Variants in ROBO2 observed in about 807,000 individuals in gnomAD.
ROBO2 encodes roundabout guidance receptor 2.
Under a neutral mutation model 160.8 loss-of-function variants are expected in ROBO2, and 53 were observed. The ratio of observed to expected loss-of-function variants is 0.33; its 90% CI spans 0.26 to 0.41. The LOEUF is 0.41. Ranked by LOEUF, ROBO2 falls within the 10% of genes least tolerant of loss-of-function variation. The pLI, the probability that ROBO2 is intolerant of heterozygous loss-of-function variation, is 1.00. For missense variants in ROBO2, 1,577 were observed against 1,722.4 expected (o/e 0.92, Z 1.49); for synonymous variants, 664 against 611.7 (o/e 1.09, Z -1.26).
At chr3:76,434,477 G>C (rs140003269) in intron 2 of ROBO2, 1 of 1,550,452 alleles carries the variant, frequency 6.4e-7, no homozygotes, top group African/African-American at 1.4e-5. Context: ...GAATGATGCT[G>C]CCATGTTTTA....
chr3:77,564,680 T>C (rs1202091394), intron 11 of ROBO2: 1 of 528,388 alleles, frequency 1.9e-6, no homozygotes, highest in African/African-American at 1.9e-5. Context: ...GGTATTCATT[T>C]AGTGGGCTGC....
intron 2 of ROBO2, among the ~76,000 whole-genome samples, chr3:76,822,617 A>C (rs2066217651): frequency 6.6e-6 from 1 of 151,880 alleles, no homozygotes; most frequent in Admixed American, 6.6e-5. Flanking sequence ...TAATTGAAAA[A>C]AATTATCATG....
intron 2 of ROBO2, among the ~76,000 whole-genome samples, chr3:76,298,928 G>C (rs1709220110): frequency 6.6e-6 from 1 of 152,112 alleles, no homozygotes; most frequent in Non-Finnish European, 1.5e-5. Flanking sequence ...CCATGCCTCT[G>C]CCAGGGGCAA....
At chr3:76,378,846 G>A (rs2076480251) in intron 2 of ROBO2, among the ~76,000 whole-genome samples, 1 of 152,174 alleles carries the variant, frequency 6.6e-6, no homozygotes, top group Non-Finnish European at 1.5e-5. Flanking sequence ...ACACGTTTAG[G>A]AACCCTCTAC....
At chr3:76,032,359 A>G (rs897902648) in intron 2 of ROBO2, among the ~76,000 whole-genome samples, 3 of 151,776 alleles carry the variant, frequency 2.0e-5, no homozygotes, top group Admixed American at 2.0e-4. Flanking sequence ...TATCTCCTTC[A>G]GTTCTGCTCT....
At chr3:76,324,995 C>G (rs1255197728) in intron 2 of ROBO2, among the ~76,000 whole-genome samples, 1 of 152,154 alleles carries the variant, frequency 6.6e-6, no homozygotes, top group Non-Finnish European at 1.5e-5. Flanking sequence ...GCCCCAGCTA[C>G]TCGGGAGGCT....
chr3:77,308,899 T>G (rs1328891059), intron 2 of ROBO2, among the ~76,000 whole-genome samples: 1 of 152,188 alleles, frequency 6.6e-6, no homozygotes, highest in Non-Finnish European at 1.5e-5. Flanking sequence ...TAATCCAAGG[T>G]CAAGATTAAG....
intron 2 of ROBO2, among the ~76,000 whole-genome samples, chr3:76,306,943 A>AT (rs2071361368): frequency 6.6e-6 from 1 of 151,960 alleles, no homozygotes; most frequent in Non-Finnish European, 1.5e-5. Context: ...AATGCAGCCC[A>AT]TTTTTTTAAA....
chr3:77,319,011 A>G (rs141101229), intron 2 of ROBO2, among the ~76,000 whole-genome samples: 2 of 152,318 alleles, frequency 1.3e-5, no homozygotes, highest in African/African-American at 4.8e-5. Context: ...TCCGTCTTCT[A>G]GAGACATGAC....
At chr3:77,260,400 T>G (rs1229918203) in intron 2 of ROBO2, among the ~76,000 whole-genome samples, 1 of 152,142 alleles carries the variant, frequency 6.6e-6, no homozygotes, top group East Asian at 1.9e-4. Flanking sequence ...CTAGGGAAAC[T>G]TAAAAAAATA....
chr3:77,415,683 T>A (rs1421952691), intron 2 of ROBO2, among the ~76,000 whole-genome samples: 1 of 152,048 alleles, frequency 6.6e-6, no homozygotes, highest in Non-Finnish European at 1.5e-5. Flanking sequence ...GAGCTGGGTG[T>A]GGGCAGTTTT....
At chr3:76,298,939 C>A (rs1359908057) in intron 2 of ROBO2, among the ~76,000 whole-genome samples, 2 of 152,148 alleles carry the variant, frequency 1.3e-5, no homozygotes, top group African/African-American at 4.8e-5. Context: ...CCAGGGGCAA[C>A]CTAGTAGTTC....
At chr3:77,055,517 A>C (rs989168914) in intron 1 of ROBO2, among the ~76,000 whole-genome samples, 1 of 152,098 alleles carries the variant, frequency 6.6e-6, no homozygotes, top group Non-Finnish European at 1.5e-5. Context: ...TTTTGCCTTG[A>C]TTTTCTAACA....
chr3:76,284,368 C>T (rs1427283790), intron 2 of ROBO2, among the ~76,000 whole-genome samples: 1 of 151,606 alleles, frequency 6.6e-6, no homozygotes, highest in Non-Finnish European at 1.5e-5. Context: ...TTTGATCGTT[C>T]CTTTAGAGTA....
At chr3:77,558,270 G>T in intron 9 of ROBO2, 121 bp downstream of exon 10, 1 of 799,606 alleles carries the variant, frequency 1.3e-6, no homozygotes, top group East Asian at 2.6e-5. Flanking sequence ...TTTAAAAACA[G>T]TTAATGTTAT....
chr3:76,335,953 G>T (rs1475915629), intron 2 of ROBO2, among the ~76,000 whole-genome samples: 1 of 152,104 alleles, frequency 6.6e-6, no homozygotes, highest in Non-Finnish European at 1.5e-5. Context: ...TTTTTCTCTT[G>T]AATACTCAGA....
At chr3:76,579,827 G>C (rs542932346) in intron 2 of ROBO2, among the ~76,000 whole-genome samples, 1 of 150,164 alleles carries the variant, frequency 6.7e-6, no homozygotes, top group South Asian at 2.1e-4. Flanking sequence ...ACAAAACTTT[G>C]AGTCTGTTCT....
chr3:77,274,854 A>C (rs1009032707), intron 2 of ROBO2, among the ~76,000 whole-genome samples: 3 of 152,142 alleles, frequency 2.0e-5, no homozygotes, highest in African/African-American at 7.2e-5. Flanking sequence ...AACACCAGAC[A>C]GTTAAAAGAT....
intron 2 of ROBO2, among the ~76,000 whole-genome samples, chr3:77,361,674 C>A (rs113367626): frequency 0.011 from 1,664 of 152,192 alleles, 17 homozygotes; most frequent in Middle Eastern, 0.017. Flanking sequence ...TAAGGACACC[C>A]ATTCCATTTA....
Sources: gnomAD v4.1 joint callset for allele counts (sites outside exome capture counted in the v4.1 genomes callset) on GRCh38, gnomAD v4.1.1 for gene constraint, MANE v1.5 for transcripts, NCBI Gene and HGNC (gene_info 2026-07-23, HGNC 2026-07-21) for gene names.